AKR1C1: variants seen among roughly 807,000 people sequenced by gnomAD.
AKR1C1 encodes the protein 20 alpha-hydroxysteroid dehydrogenase.
In AKR1C1, 32 loss-of-function variants were observed where a neutral mutation model predicts 40.6. The observed-to-expected ratio is 0.79, with a 90% CI of 0.60 to 1.06. The LOEUF (loss-of-function observed/expected upper bound fraction) is 1.06, where lower values mean the gene tolerates loss of function less well. Among genes scored for constraint, AKR1C1 ranks in the 50% least tolerant of loss-of-function variants. The pLI, the probability that AKR1C1 is intolerant of heterozygous loss-of-function variation, is 0.00. For missense variants in AKR1C1, 320 were observed against 363.5 expected (o/e 0.88, Z 0.97); for synonymous variants, 105 against 134.2 (o/e 0.78, Z 1.50).
intron 8 of AKR1C1, among the ~76,000 whole-genome samples, chr10:4,976,551 T>A (rs548877491): frequency 9.2e-5 from 14 of 152,344 alleles, no homozygotes; most frequent in African/African-American, 3.4e-4. Context: ...CTTGGTGTTC[T>A]GCAATATGGA....
rs1836614844 is a variant in AKR1C1 at position 4,981,519 on chromosome 10, G to A, written c.*3777G>A. 1 of 152,154 alleles carries A rather than the reference G, an allele frequency of 6.6e-6. No homozygotes were observed. Among genetic ancestry groups the A allele is most frequent in the Admixed American group, 6.5e-5 (1 of 15,280 alleles). 9.4% of individuals were successfully genotyped at this position (152,154 alleles called of 1,614,324 possible). ...GCATGCCTCTCCCACTTGGAGATTA[G>A]TGTGTAGAGATTTACATTGTGAATT... On this transcript the variant is annotated 3_prime_UTR_variant, in exon 9 of 9. Coordinates refer to ENST00000380872, the MANE Select transcript of AKR1C1 (RefSeq NM_001353.6).
chr10:4,978,210 A>G lies in AKR1C1; in HGVS notation c.*468A>G, dbSNP rs1441039138. 1 of 155,208 alleles carries G rather than the reference A, an allele frequency of 6.4e-6. No individual in the cohort carries two copies. Among genetic ancestry groups the G allele is most frequent in the African/African-American group, 2.5e-5 (1 of 39,636 alleles). 9.6% of individuals were successfully genotyped at this position (155,208 alleles called of 1,614,324 possible). On this transcript the variant is annotated 3_prime_UTR_variant, in exon 9 of 9. Transcript: ENST00000380872. Reference sequence around the variant, plus strand: ...CACGCAGGATGGAGTCTAGAGGATGAGCGATATTGACTAGCAATTCATGGG... The same window carrying G: ...CACGCAGGATGGAGTCTAGAGGATGGGCGATATTGACTAGCAATTCATGGG...
intron 2 of AKR1C1, among the ~76,000 whole-genome samples, chr10:4,966,667 A>T (rs1836338412): frequency 6.6e-6 from 1 of 152,246 alleles, no homozygotes; most frequent in South Asian, 2.1e-4. Context: ...GATAATGGGT[A>T]TGCTTATGAT....
intron 7 of AKR1C1, among the ~76,000 whole-genome samples, chr10:4,973,271 C>T (rs1297429318): frequency 6.6e-6 from 1 of 151,696 alleles, no homozygotes. Flanking sequence ...AATATAGAGG[C>T]TTAATGCAAA....
Position 4,965,963 on chromosome 10 carries a change from G to C in AKR1C1, c.134G>C (p.Gly45Ala). The C allele has an allele frequency of 1.2e-6, 2 of 1,614,210 alleles. No individual in the cohort carries two copies. The highest frequency in any genetic ancestry group is 2.2e-5 in the South Asian group (2 of 91,074). Residue 45 changes from glycine (G) to alanine (A), a missense_variant, in exon 2 of 9, where the codon GGC becomes GCC. Transcript: ENST00000380872. ...GCCACCAAATTGGCAATTGAAGCTGGCTTCCGCCATATTGATTCTGCTCAT... is the reference window on the plus strand; with the variant it reads ...GCCACCAAATTGGCAATTGAAGCTGCCTTCCGCCATATTGATTCTGCTCAT... Reference protein sequence around the residue: ...LEATKLAIEAGFRHIDSAHLY... With the variant: ...LEATKLAIEAAFRHIDSAHLY...
rs1190356616 is a variant in AKR1C1, at chr10:4,979,465, A to G, written c.*1723A>G. On this transcript the variant is annotated 3_prime_UTR_variant, in exon 9 of 9. Coordinates refer to ENST00000380872, the MANE Select transcript of AKR1C1 (RefSeq NM_001353.6). ...ACCATGGCCATCCTGTTCTACCTTA[A>G]CTTTCTGAGTCTATGGAATGATAAT... 4 of 152,130 alleles carry G rather than the reference A, an allele frequency of 2.6e-5. No homozygotes were observed. The highest frequency in any genetic ancestry group is 9.7e-5 in the African/African-American group (4 of 41,402). The allele number at this position is 152,130 out of a possible 1,614,324, so 9.4% of individuals were successfully genotyped here.
intron 5 of AKR1C1, among the ~76,000 whole-genome samples, chr10:4,970,838 AC>A (rs201109471): frequency 0.018 from 2,629 of 148,890 alleles, 42 homozygotes; most frequent in Middle Eastern, 0.031. Flanking sequence ...GAGGGATAGC[AC>A]TGGGAGATAT....
intron 7 of AKR1C1, among the ~76,000 whole-genome samples, chr10:4,972,971 C>T (rs1327762010): frequency 6.6e-6 from 1 of 152,288 alleles, no homozygotes; most frequent in Non-Finnish European, 1.5e-5. Flanking sequence ...TTTGGGTTAG[C>T]GTTAAGTCAG....
In AKR1C1 at chr10:4,979,636, A is replaced by G. The variant is rs1836586155; in HGVS notation, c.*1894A>G. 6.6e-6 allele frequency: 1 copy of G among 152,218 alleles called. No homozygotes were observed. Among genetic ancestry groups the G allele is most frequent in the Non-Finnish European group, 1.5e-5 (1 of 68,042 alleles). The allele number at this position is 152,218 out of a possible 1,614,324, so 9.4% of individuals were successfully genotyped here. On this transcript the variant is annotated 3_prime_UTR_variant, in exon 9 of 9. Transcript: ENST00000380872. ...TGTAACTCTTTTTTCAAGATGTGAA[A>G]TAATCATTAGGTCAGTCATTTGTAA...
rs782146919 is a variant in AKR1C1, at chr10:4,972,689, G to T, written c.786G>T (p.Gln262His). 47 of 1,612,560 alleles carry T rather than the reference G, an allele frequency of 2.9e-5. No homozygotes were observed. Among genetic ancestry groups the T allele is most frequent in the Non-Finnish European group, 3.9e-5 (46 of 1,180,038 alleles). ...PALIALRYQL[Q>H]RGVVVLAKSY... ...TGATTGCCCTGCGCTACCAGCTACA[G>T]CGTGGGGTTGTGGTCCTGGCCAAGA... Residue 262 changes from glutamine to histidine, a missense_variant, in exon 7 of 9, where the codon CAG (glutamine) becomes CAT (histidine). Physicochemically the swap from Gln to His is conservative, Grantham distance 24. Coordinates refer to ENST00000380872, the MANE Select transcript of AKR1C1 (RefSeq NM_001353.6).
chr10:4,964,537 A>G (rs886866876), intron 1 of AKR1C1, among the ~76,000 whole-genome samples: 2 of 152,230 alleles, frequency 1.3e-5, no homozygotes, highest in African/African-American at 4.8e-5. Context: ...TTCTATGGGA[A>G]AAAGAAAGCC....
intron 5 of AKR1C1, among the ~76,000 whole-genome samples, chr10:4,971,792 TA>T (rs1310797621): frequency 2.6e-5 from 4 of 152,038 alleles, no homozygotes; most frequent in Admixed American, 6.5e-5. Context: ...AACATACATA[TA>T]CATGTATGCA....
chr10:4,976,249 C>T (rs1201734491), intron 8 of AKR1C1, among the ~76,000 whole-genome samples: 1 of 152,246 alleles, frequency 6.6e-6, no homozygotes, highest in Non-Finnish European at 1.5e-5. Flanking sequence ...AGTGTACACA[C>T]TGTGGATATT....
rs563365856 is a variant in AKR1C1 at position 4,963,718 on chromosome 10, A to T, written c.84+190A>T. 4.0e-5 allele frequency: 30 copies of T among 743,060 alleles called. No homozygotes were observed. In the South Asian group the frequency reaches 4.1e-4, roughly 10 times the overall value. The allele number at this position is 743,060 out of a possible 1,614,324, so 46.0% of individuals were successfully genotyped here. ...TGTGGCACTGTTTTGTCTTCTGTTT[A>T]TGTTTATTTCACAGCTTGTCAGAGT... On this transcript the variant is annotated intron_variant, in intron 1 of 8. Transcript: ENST00000380872.
At chr10:4,976,761 C>A (rs1474993109) in intron 8 of AKR1C1, among the ~76,000 whole-genome samples, 1 of 151,868 alleles carries the variant, frequency 6.6e-6, no homozygotes, top group African/African-American at 2.4e-5. Context: ...GGGATTTCAA[C>A]AAGTAATAGA....
At chr10:4,973,304 C>G (rs574566296) in intron 7 of AKR1C1, among the ~76,000 whole-genome samples, 1 of 152,008 alleles carries the variant, frequency 6.6e-6, no homozygotes, top group Admixed American at 6.5e-5. Flanking sequence ...GCTCAAGGTT[C>G]CATGGTTAGA....
intron 8 of AKR1C1, among the ~76,000 whole-genome samples, chr10:4,977,283 T>A (rs1269417211): frequency 1.3e-5 from 2 of 152,224 alleles, no homozygotes; most frequent in African/African-American, 4.8e-5. Context: ...TAAGTATAAT[T>A]GCTACCAGTA....
chr10:4,966,729 G>A (rs1836339390), intron 2 of AKR1C1, among the ~76,000 whole-genome samples, 198 bp from the exon 3 acceptor site: 1 of 152,122 alleles, frequency 6.6e-6, no homozygotes, highest in African/African-American at 2.4e-5. Context: ...TTCAATATAT[G>A]TACTAACTAT....
intron 5 of AKR1C1, among the ~76,000 whole-genome samples, chr10:4,971,350 G>A (rs1836423188): frequency 6.6e-6 from 1 of 151,808 alleles, no homozygotes; most frequent in African/African-American, 2.4e-5. Context: ...TACTGTGAAC[G>A]TAATTACTGT....
Sources: gnomAD v4.1 joint callset for allele counts (sites outside exome capture counted in the v4.1 genomes callset) on GRCh38, gnomAD v4.1.1 for gene constraint, MANE v1.5 for transcripts, NCBI Gene and HGNC (gene_info 2026-07-23, HGNC 2026-07-21) for gene names.